RGS3: variants seen among roughly 807,000 people sequenced by gnomAD.
RGS3 encodes the protein regulator of G protein signaling 3.
Under a neutral mutation model 132.6 loss-of-function variants are expected in RGS3, and 80 were observed. The ratio of observed to expected loss-of-function variants is 0.60; its 90% CI spans 0.50 to 0.73. The LOEUF is 0.73. RGS3 is among the 30% of genes least tolerant of loss of function. The pLI, the probability that RGS3 is intolerant of heterozygous loss-of-function variation, is 0.00. For synonymous variants in RGS3, 598 were observed against 620.6 expected (o/e 0.96, Z 0.54); for missense variants, 1,382 against 1,530.8 (o/e 0.90, Z 1.62).
intron 19 of RGS3, among the ~76,000 whole-genome samples, chr9:113,562,565 A>G (rs1833839809): frequency 6.6e-6 from 1 of 152,044 alleles, no homozygotes; most frequent in Non-Finnish European, 1.5e-5. Flanking sequence ...GAAAGTGCTT[A>G]GAGCAGTGCT....
intron 1 of RGS3, among the ~76,000 whole-genome samples, chr9:113,447,430 A>T (rs1335996842): frequency 7.1e-6 from 1 of 140,970 alleles, no homozygotes; most frequent in African/African-American, 2.6e-5. Flanking sequence ...ATGCCAGTGT[A>T]ATTAGAATTC....
At chr9:113,561,710 G>A (rs761851274) in intron 19 of RGS3, among the ~76,000 whole-genome samples, 5 of 151,884 alleles carry the variant, frequency 3.3e-5, no homozygotes, top group Admixed American at 2.0e-4. Context: ...CTCGTGATGG[G>A]GTCTTGGGAG....
exon 9 of RGS3, chr9:113,497,378 C>G (rs1306696472): frequency 1.5e-5 from 24 of 1,613,474 alleles, no homozygotes; most frequent in Non-Finnish European, 1.9e-5. Flanking sequence ...TTGAAGGTGG[C>G]CAGGCGGCGA....
At chr9:113,486,040 C>T (rs1011366841) in intron 7 of RGS3, among the ~76,000 whole-genome samples, 5 of 152,188 alleles carry the variant, frequency 3.3e-5, no homozygotes, top group Non-Finnish European at 7.3e-5. Flanking sequence ...ACAACATGTA[C>T]GTGCTCAGTT....
At chr9:113,486,525 G>A (rs1000149657) in intron 7 of RGS3, among the ~76,000 whole-genome samples, 4 of 152,228 alleles carry the variant, frequency 2.6e-5, no homozygotes, top group Admixed American at 6.5e-5. Flanking sequence ...TGCCGGGCAG[G>A]TGAGCATGAG....
Position 113,583,445 on chromosome 9 carries a change from C to T in RGS3, c.2038-5C>T, listed in dbSNP as rs1383495301. On this transcript the variant is annotated splice_region_variant and splice_polypyrimidine_tract_variant and intron_variant, in intron 19 of 24. Coordinates refer to ENST00000350696, the Ensembl canonical transcript of RGS3. ...AACTGTTCTTGTTTTCTTTTTGTTT[C>T]CCAGATGTTTGAGACGGAGGCAGAT... The T allele has an allele frequency of 6.2e-7, 1 of 1,613,728 alleles. No individual in the cohort carries two copies. Among genetic ancestry groups the T allele is most frequent in the Non-Finnish European group, 8.5e-7 (1 of 1,179,962 alleles).
chr9:113,514,320 G>T (rs182186784), intron 14 of RGS3, 138 bp from the exon 13 acceptor site: 4 of 744,990 alleles, frequency 5.4e-6, no homozygotes, highest in Non-Finnish European at 6.7e-6. Context: ...TTTCAGCATC[G>T]TGCGCAGGGC....
chr9:113,567,926 C>T (rs1422097984), intron 19 of RGS3, among the ~76,000 whole-genome samples: 4 of 152,210 alleles, frequency 2.6e-5, no homozygotes, highest in South Asian at 2.1e-4. Flanking sequence ...AGTGCCTATC[C>T]CCAGCTGGGT....
chr9:113,488,454 G>A (rs188724631), intron 7 of RGS3, among the ~76,000 whole-genome samples: 2 of 152,320 alleles, frequency 1.3e-5, no homozygotes, highest in African/African-American at 2.4e-5. Flanking sequence ...AAGGACCAAG[G>A]GTCCGCTCCC....
intron 19 of RGS3, among the ~76,000 whole-genome samples, chr9:113,560,458 G>A (rs1833740660): frequency 6.6e-6 from 1 of 152,180 alleles, no homozygotes; most frequent in African/African-American, 2.4e-5. Context: ...AGGTGCTAGG[G>A]TCCTAGAGGC....
intron 1 of RGS3, among the ~76,000 whole-genome samples, chr9:113,454,131 C>T (rs1829315949): frequency 6.6e-6 from 1 of 152,028 alleles, no homozygotes; most frequent in African/African-American, 2.4e-5. Context: ...CATGTCATTT[C>T]TCGGTTGGTT....
At chr9:113,534,754 A>G (rs1832611899) in intron 18 of RGS3, among the ~76,000 whole-genome samples, 1 of 151,876 alleles carries the variant, frequency 6.6e-6, no homozygotes, top group South Asian at 2.1e-4. Flanking sequence ...TGGGACTACA[A>G]GCGCACACCA....
chr9:113,509,540 T>G (rs1831308622), intron 14 of RGS3, among the ~76,000 whole-genome samples: 1 of 152,156 alleles, frequency 6.6e-6, no homozygotes, highest in South Asian at 2.1e-4. Flanking sequence ...TCAAAACCAC[T>G]TTCTTCTCCC....
intron 19 of RGS3, chr9:113,581,128 C>T (rs2118958382): frequency 2.9e-6 from 1 of 342,606 alleles, no homozygotes. Flanking sequence ...AGAATGCTCC[C>T]TGGTGGGTGG....
At position 113,507,862 on chromosome 9, in the gene RGS3, A is replaced by C. The variant is rs1216313832; in HGVS notation, c.1437+224A>C. Among the ~76,000 whole-genome samples, 1 of 152,220 alleles carries C rather than the reference A, an allele frequency of 6.6e-6. No homozygotes were observed. The highest frequency in any genetic ancestry group is 1.5e-5 in the Non-Finnish European group (1 of 68,046). On this transcript the variant is annotated intron_variant, in intron 13 of 24. Coordinates refer to ENST00000350696, the Ensembl canonical transcript of RGS3. This position sits in a 1 kb window ranked among gnomAD's most constrained non-coding sequence, Gnocchi z 5.0. Reference sequence around the variant, plus strand: ...GCACAGATTCAAGACCAGGGCATGCACAGGCTGGAAGATTTCAACTCACAG... The same window carrying C: ...GCACAGATTCAAGACCAGGGCATGCCCAGGCTGGAAGATTTCAACTCACAG...
chr9:113,572,095 T>G (rs1834316223), intron 19 of RGS3, among the ~76,000 whole-genome samples: 1 of 151,352 alleles, frequency 6.6e-6, no homozygotes, highest in Non-Finnish European at 1.5e-5. Flanking sequence ...TGAGCATAGG[T>G]TTAGAGGGGC....
intron 19 of RGS3, among the ~76,000 whole-genome samples, chr9:113,569,294 G>A (rs776327210): frequency 1.3e-5 from 2 of 152,182 alleles, no homozygotes; most frequent in Non-Finnish European, 1.5e-5. Flanking sequence ...GTGGCAGAGG[G>A]TAAGGGAACA....
intron 7 of RGS3, among the ~76,000 whole-genome samples, chr9:113,490,922 A>T (rs1163336712): frequency 1.5e-5 from 2 of 131,464 alleles, no homozygotes; most frequent in African/African-American, 3.0e-5. Flanking sequence ...CAGTATATAT[A>T]ATTATATATA....
intron 19 of RGS3, among the ~76,000 whole-genome samples, chr9:113,554,145 T>C (rs1006291797): frequency 6.6e-6 from 1 of 152,166 alleles, no homozygotes; most frequent in Non-Finnish European, 1.5e-5. Context: ...GTTAAGTACA[T>C]GTACAATTTG....
Sources: gnomAD v4.1 joint callset for allele counts (sites outside exome capture counted in the v4.1 genomes callset) on GRCh38, gnomAD v4.1.1 for gene constraint, Gnocchi (gnomAD v3.1) non-coding constraint, MANE v1.5 for transcripts, NCBI Gene and HGNC (gene_info 2026-07-23, HGNC 2026-07-21) for gene names.